Variants in GABRB3 observed in about 807,000 individuals in gnomAD.
GABRB3 encodes the protein gamma-aminobutyric acid receptor subunit beta-3.
GABRB3 carries 14 observed loss-of-function variants against 52.1 expected under a neutral mutation model. That is an observed-to-expected ratio of 0.27 (90% CI 0.18 to 0.42). The LOEUF is 0.42. GABRB3 is among the 10% of genes least tolerant of loss of function. GABRB3 has a pLI of 1.00. For synonymous variants in GABRB3, 260 were observed against 232.3 expected, an observed-to-expected ratio of 1.12 and a Z score of -1.08; for missense variants, 307 against 609.1, an observed-to-expected ratio of 0.50 and a Z score of 5.22.
In GABRB3 at chr15:26,615,611, CAGAAT is replaced by C. The variant is rs575427560; in HGVS notation, c.461+5698_461+5702del. 2,180 of 578,284 alleles carry C rather than the reference CAGAAT, an allele frequency of 3.8e-3. 4 individuals are homozygous for C. Among genetic ancestry groups the C allele is most frequent in the Admixed American group, 4.7e-3 (90 of 19,090 alleles). The allele number at this position is 578,284 out of a possible 1,614,324, so 35.8% of individuals were successfully genotyped here. ...TCAGAGTTAAGGATTAATGATTTCC[CAGAAT>C]AAGGCTGAGTTGACGTACAAACCTA... On this transcript the variant is annotated intron_variant, in intron 4 of 8. Coordinates refer to ENST00000311550, the MANE Select transcript of GABRB3 (RefSeq NM_000814.6).
At chr15:26,702,583 C>A (rs976240360) in intron 3 of GABRB3, among the ~76,000 whole-genome samples, 2 of 152,172 alleles carry the variant, frequency 1.3e-5, no homozygotes, top group Non-Finnish European at 2.9e-5. Context: ...TAAGGAGAAC[C>A]TGAAACACTC....
chr15:26,685,915 C>T (rs111465172), intron 3 of GABRB3, among the ~76,000 whole-genome samples: 2,783 of 151,968 alleles, frequency 0.018, 72 homozygotes, highest in Admixed American at 0.073. Flanking sequence ...GGTGTTCCTC[C>T]CACTTCAGCT....
intron 6 of GABRB3, among the ~76,000 whole-genome samples, chr15:26,574,983 A>G (rs1045728959): frequency 1.3e-5 from 2 of 152,176 alleles, no homozygotes; most frequent in African/African-American, 4.8e-5. Context: ...AAGACATGCT[A>G]TCTGACCCAA....
chr15:26,667,024 T>C (rs1887736504), intron 3 of GABRB3, among the ~76,000 whole-genome samples: 1 of 151,500 alleles, frequency 6.6e-6, no homozygotes, highest in African/African-American at 2.4e-5. Context: ...TGCACACCAA[T>C]TGCAGGGGTT....
Position 26,684,078 on chromosome 15 carries a change from G to A in GABRB3, c.241-62544C>T, listed in dbSNP as rs1888325534. ...GTGACAGCAGGTGGCACTTCAGGGT[G>A]TGCACGGTTAGGTTAATAGACTGAC... On this transcript the variant is annotated intron_variant, in intron 3 of 8. Transcript: ENST00000311550. Among the ~76,000 whole-genome samples the A allele has an allele frequency of 2.6e-5, 4 of 152,136 alleles. No individual in the cohort carries two copies. In the South Asian group the frequency reaches 8.3e-4, roughly 32 times the overall value.
At chr15:26,744,389 G>T (rs1476407841) in intron 3 of GABRB3, among the ~76,000 whole-genome samples, 1 of 151,690 alleles carries the variant, frequency 6.6e-6, no homozygotes, top group East Asian at 1.9e-4. Context: ...AATAACTACA[G>T]TGGAAATCGT....
At chr15:26,709,136 T>A (rs889309253) in intron 3 of GABRB3, among the ~76,000 whole-genome samples, 6 of 152,190 alleles carry the variant, frequency 3.9e-5, no homozygotes, top group African/African-American at 4.8e-5. Context: ...AGCAAATGTT[T>A]TATAGTCAAG....
At chr15:26,768,981 T>G (rs867973774) in intron 3 of GABRB3, among the ~76,000 whole-genome samples, 6 of 152,172 alleles carry the variant, frequency 3.9e-5, no homozygotes, top group Admixed American at 6.5e-5. Context: ...AGATATGCAT[T>G]TACATGCTTA....
intron 3 of GABRB3, among the ~76,000 whole-genome samples, chr15:26,682,126 G>A (rs951351702): frequency 1.3e-5 from 2 of 152,070 alleles, no homozygotes; most frequent in African/African-American, 2.4e-5. Context: ...AAGACCTGGT[G>A]CTAATGTCTG....
At chr15:26,709,784 T>C (rs1005338065) in intron 3 of GABRB3, among the ~76,000 whole-genome samples, 4 of 152,176 alleles carry the variant, frequency 2.6e-5, no homozygotes, top group Non-Finnish European at 5.9e-5. Flanking sequence ...CCCAAAGTGC[T>C]GGGATTACAG....
intron 4 of GABRB3, among the ~76,000 whole-genome samples, chr15:26,609,246 T>C (rs2140514884): frequency 6.6e-6 from 1 of 152,070 alleles, no homozygotes; most frequent in East Asian, 1.9e-4. Context: ...CAGAAAGAAA[T>C]ACCACATATT....
At chr15:26,588,399 T>C (rs78950612) in intron 4 of GABRB3, among the ~76,000 whole-genome samples, 173 of 152,306 alleles carry the variant, frequency 1.1e-3, no homozygotes, top group African/African-American at 4.0e-3. Context: ...AACCATATTA[T>C]AGAGGTATTG....
intron 3 of GABRB3, among the ~76,000 whole-genome samples, chr15:26,660,081 T>A (rs1887492485): frequency 6.6e-6 from 1 of 151,854 alleles, no homozygotes; most frequent in South Asian, 2.1e-4. Flanking sequence ...AATACAAAAA[T>A]TAGCCAGGCA....
chr15:26,715,253 G>A (rs1327324486), intron 3 of GABRB3, among the ~76,000 whole-genome samples: 1 of 152,124 alleles, frequency 6.6e-6, no homozygotes, highest in Non-Finnish European at 1.5e-5. Flanking sequence ...TGATTGAAGA[G>A]GTCAGAAAAA....
intron 3 of GABRB3, among the ~76,000 whole-genome samples, chr15:26,722,566 C>T (rs1159712553): frequency 2.0e-5 from 3 of 152,172 alleles, no homozygotes; most frequent in South Asian, 2.1e-4. Context: ...CTGAACTTTA[C>T]GTTAATATTC....
At chr15:26,711,262 T>C in intron 3 of GABRB3, among the ~76,000 whole-genome samples, 1 of 152,220 alleles carries the variant, frequency 6.6e-6, no homozygotes, top group East Asian at 1.9e-4. Flanking sequence ...TCCTTTTCTA[T>C]GAGGATGTCG....
rs774677731 is a variant in GABRB3, at chr15:26,560,965, T to G, written c.1047A>C (p.Ala349=). The change falls in exon 8 of 9, where the codon GCA becomes GCC. Residue 349 remains alanine (A), a synonymous_variant. Coordinates refer to ENST00000311550, the MANE Select transcript of GABRB3 (RefSeq NM_000814.6). ...TTTCGCTCTTTGAACGGTCATTCTT[T>G]GCCTTGGCTGTCTTTTCTGCAAGCT... ...QKKLAEKTAK[A]KNDRSKSESN... is the part of the protein sequence containing the mutation. 4 of 1,613,984 alleles carry G rather than the reference T, an allele frequency of 2.5e-6. No individual in the cohort carries two copies. Among genetic ancestry groups the G allele is most frequent in the Non-Finnish European group, 3.4e-6 (4 of 1,179,970 alleles).
rs184549286 is a variant in GABRB3 at position 26,615,991 on chromosome 15, T to C, written c.461+5323A>G. ...AACAACCCCAGCTCTCTGCAAACCT[T>C]CCACCATGGGGAATTTAACTTCAGT... is the stretch of plus-strand genomic sequence containing the variant. On this transcript the variant is annotated intron_variant, in intron 4 of 8. Coordinates refer to ENST00000311550, the MANE Select transcript of GABRB3 (RefSeq NM_000814.6). The C allele has an allele frequency of 2.5e-5, 32 of 1,289,134 alleles. No individual in the cohort carries two copies. The African/African-American group carries it at 4.2e-4, about 17-fold the overall frequency. The allele number at this position is 1,289,134 out of a possible 1,614,324, so 79.9% of individuals were successfully genotyped here.
intron 3 of GABRB3, among the ~76,000 whole-genome samples, chr15:26,699,030 T>C (rs1888839455): frequency 6.6e-6 from 1 of 152,158 alleles, no homozygotes; most frequent in Non-Finnish European, 1.5e-5. Context: ...TGATGAGCGT[T>C]TGATTTTACA....
Sources: gnomAD v4.1 joint callset for allele counts (sites outside exome capture counted in the v4.1 genomes callset) on GRCh38, gnomAD v4.1.1 for gene constraint, MANE v1.5 for transcripts, NCBI Gene and HGNC (gene_info 2026-07-23, HGNC 2026-07-21) for gene names.